Variants in RBFOX2 observed in about 807,000 individuals in gnomAD.
RBFOX2 encodes the protein RNA binding protein fox-1 homolog 2.
A neutral mutation model predicts 49.1 loss-of-function variants in RBFOX2; 10 were observed. The ratio of observed to expected loss-of-function variants is 0.20; its 90% CI spans 0.13 to 0.35. The LOEUF is 0.35. Ranked by LOEUF, RBFOX2 falls within the 10% of genes least tolerant of loss-of-function variation. The pLI, the probability that RBFOX2 is intolerant of heterozygous loss-of-function variation, is 1.00. For synonymous variants in RBFOX2, 183 were observed against 187.4 expected (o/e 0.98, Z 0.19); for missense variants, 323 against 486.9 (o/e 0.66, Z 3.17).
intron 1 of RBFOX2, among the ~76,000 whole-genome samples, chr22:35,896,112 G>A (rs898916825): frequency 6.6e-6 from 1 of 152,132 alleles, no homozygotes; most frequent in Non-Finnish European, 1.5e-5. Flanking sequence ...CCCCAGCTGT[G>A]AGTGAGCTCT....
intron 2 of RBFOX2, among the ~76,000 whole-genome samples, chr22:35,786,575 A>G (rs1946441306): frequency 6.6e-6 from 1 of 152,236 alleles, no homozygotes; most frequent in Admixed American, 6.5e-5. Flanking sequence ...GCAAAGGGTC[A>G]CGAGGATCCT....
chr22:35,812,288 C>A lies in RBFOX2; in HGVS notation c.28-2284G>T, dbSNP rs527722680. ...CTCAAAAGATAGAAAAAAAAAAAAA[C>A]CCCTCTCTTTAGTTCTTAGAAAATA... On this transcript the variant is annotated intron_variant, in intron 1 of 11. Coordinates refer to ENST00000405409, the Ensembl canonical transcript of RBFOX2. Among the ~76,000 whole-genome samples, 266 of 150,320 alleles carry A rather than the reference C, an allele frequency of 1.8e-3. 1 individual carries two copies. Among genetic ancestry groups the A allele is most frequent in the East Asian group, 0.011 (54 of 5,140 alleles).
At chr22:35,898,956 A>G (rs537274043) in intron 1 of RBFOX2, among the ~76,000 whole-genome samples, 118 of 152,184 alleles carry the variant, frequency 7.8e-4, no homozygotes, top group African/African-American at 2.8e-3. Flanking sequence ...TGTCTCTACT[A>G]AAAATACAAA....
rs200191306 is a variant in RBFOX2, at chr22:36,001,180, AACATAC to A, written c.186+27054_186+27059del. ...TTCAAATGTTTTTCTCTGGCCCCAA[AACATAC>A]ACACACACACACACACACACACACA... On this transcript the variant is annotated intron_variant, in intron 1 of 13. Coordinates refer to the RBFOX2 transcript ENST00000438146. Among the ~76,000 whole-genome samples, 9 of 84,854 alleles carry A rather than the reference AACATAC, an allele frequency of 1.1e-4. No individual in the cohort carries two copies. The South Asian group carries it at 1.2e-3, about 11-fold the overall frequency. 55.7% of individuals were successfully genotyped at this position (84,854 alleles called of 152,430 possible).
At chr22:35,780,636 C>A (rs1944945879) in intron 3 of RBFOX2, among the ~76,000 whole-genome samples, 1 of 152,132 alleles carries the variant, frequency 6.6e-6, no homozygotes, top group Non-Finnish European at 1.5e-5. Context: ...GTATGAGCAA[C>A]AACGTATTAT....
intron 4 of RBFOX2, among the ~76,000 whole-genome samples, chr22:35,774,783 T>C (rs1943491164): frequency 6.6e-6 from 1 of 152,200 alleles, no homozygotes; most frequent in South Asian, 2.1e-4. Context: ...CGTTTACTTA[T>C]GTTTTCAAAT....
chr22:35,891,829 C>T (rs1190190967), intron 1 of RBFOX2, among the ~76,000 whole-genome samples: 1 of 149,650 alleles, frequency 6.7e-6, no homozygotes, highest in Non-Finnish European at 1.5e-5. Flanking sequence ...ATAATGAATG[C>T]TTAATAGTAC....
chr22:35,898,058 T>C (rs7291461), intron 1 of RBFOX2: 48,900 of 729,350 alleles, frequency 0.067, 4,667 homozygotes, highest in African/African-American at 0.36. Flanking sequence ...ACTCGTCAGA[T>C]AGAATCTTTA....
At chr22:35,896,530 T>A (rs978299953) in intron 1 of RBFOX2, among the ~76,000 whole-genome samples, 3 of 152,208 alleles carry the variant, frequency 2.0e-5, no homozygotes, top group Non-Finnish European at 2.9e-5. Flanking sequence ...CCCATGCAGG[T>A]ACTTTCACTC....
At chr22:35,857,605 G>A (rs1004161683) in intron 1 of RBFOX2, among the ~76,000 whole-genome samples, 8 of 152,184 alleles carry the variant, frequency 5.3e-5, no homozygotes, top group Admixed American at 2.0e-4. Context: ...GGTTAGACAC[G>A]AAGATCAAAG....
chr22:35,981,440 G>A (rs796782873), intron 1 of RBFOX2, among the ~76,000 whole-genome samples: 1 of 152,036 alleles, frequency 6.6e-6, no homozygotes, highest in Non-Finnish European at 1.5e-5. Flanking sequence ...CCAGGAGTTC[G>A]AGACCAGCCT....
At chr22:35,928,960 TAA>T (rs1244418470) in intron 1 of RBFOX2, among the ~76,000 whole-genome samples, 1 of 151,970 alleles carries the variant, frequency 6.6e-6, no homozygotes, top group Non-Finnish European at 1.5e-5. Flanking sequence ...GTGGTTTCTT[TAA>T]AAGTTATGCA....
rs983431908 is a variant in RBFOX2 at position 35,765,291 on chromosome 22, C to T, written c.607+132G>A. 1.1e-5 allele frequency: 7 copies of T among 637,480 alleles called. No homozygotes were observed. In the African/African-American group the frequency reaches 1.4e-4, roughly 12 times the overall value. The allele number at this position is 637,480 out of a possible 1,614,324, so 39.5% of individuals were successfully genotyped here. On this transcript the variant is annotated intron_variant, in intron 6 of 11. Coordinates refer to ENST00000405409, the Ensembl canonical transcript of RBFOX2. ...TTATTCTGTAAAAATAAAATACTCT[C>T]CCAGGTAAAGAGACTACTTCAACAC... is the stretch of plus-strand genomic sequence containing the variant.
chr22:35,897,877 C>T (rs2048058009), intron 1 of RBFOX2: 1 of 730,044 alleles, frequency 1.4e-6, no homozygotes, highest in Admixed American at 1.8e-5. Context: ...TCTAGAAGAG[C>T]TTTTAATATT....
intron 1 of RBFOX2, among the ~76,000 whole-genome samples, chr22:35,817,972 A>G (rs2148373984): frequency 6.6e-6 from 1 of 151,688 alleles, no homozygotes; most frequent in African/African-American, 2.4e-5. Context: ...ACACACACAC[A>G]CACACACACA....
At position 35,969,190 on chromosome 22, in the gene RBFOX2, CCTTT is replaced by C. The variant is rs566055496; in HGVS notation, c.187-30297_187-30294del. Among the ~76,000 whole-genome samples the C allele has an allele frequency of 3.5e-3, 536 of 152,234 alleles. 1 individual carries two copies. Among genetic ancestry groups the C allele is most frequent in the African/African-American group, 0.011 (476 of 41,534 alleles). ...GCCTGCCTCTAGATCAGAACTTCTGCCTTTCTGCCATTTCAAAAGTAGCTTTTGT... is the reference window on the plus strand; with the variant it reads ...GCCTGCCTCTAGATCAGAACTTCTGCCTGCCATTTCAAAAGTAGCTTTTGT... On this transcript the variant is annotated intron_variant, in intron 1 of 13. Transcript: ENST00000438146.
chr22:35,837,288 G>A (rs1957841882), intron 1 of RBFOX2, among the ~76,000 whole-genome samples: 1 of 152,108 alleles, frequency 6.6e-6, no homozygotes, highest in African/African-American at 2.4e-5. Flanking sequence ...TGGAAACTGG[G>A]GACTACAGAG....
At chr22:36,013,979 T>C (rs1266211940) in intron 1 of RBFOX2, among the ~76,000 whole-genome samples, 20 of 151,986 alleles carry the variant, frequency 1.3e-4, no homozygotes, top group Admixed American at 9.8e-4. Context: ...CGCTACACAA[T>C]AGTTCAGCAT....
intron 2 of RBFOX2, among the ~76,000 whole-genome samples, chr22:35,801,584 G>A (rs1338425098): frequency 2.6e-5 from 4 of 152,088 alleles, no homozygotes; most frequent in Non-Finnish European, 5.9e-5. Context: ...CAGCACTTTG[G>A]GAGGCTGAGG....
Sources: allele counts gnomAD v4.1 joint callset (sites outside exome capture counted in the v4.1 genomes callset), GRCh38; gene constraint gnomAD v4.1.1; transcripts MANE v1.5; gene names NCBI Gene and HGNC (gene_info 2026-07-23, HGNC 2026-07-21).